Variants in SCP2 observed in about 807,000 individuals in gnomAD.
SCP2 encodes the protein SCP-2/3-oxoacyl-CoA thiolase.
SCP2 carries 48 observed loss-of-function variants against 71.4 expected under a neutral mutation model. The ratio of observed to expected loss-of-function variants is 0.67; its 90% CI spans 0.53 to 0.86. SCP2 has a LOEUF of 0.86. Among genes scored for constraint, SCP2 ranks in the 40% least tolerant of loss-of-function variants. The pLI, the probability that SCP2 is intolerant of heterozygous loss-of-function variation, is 0.00. For synonymous variants in SCP2, 220 were observed against 218.1 expected (o/e 1.01, Z -0.08); for missense variants, 560 against 655.6 (o/e 0.85, Z 1.59).
At chr1:52,934,594 T>A (rs1653505028) in intron 1 of SCP2, among the ~76,000 whole-genome samples, 1 of 55,682 alleles carries the variant, frequency 1.8e-5, no homozygotes, top group Non-Finnish European at 3.2e-5. Flanking sequence ...CCAGCTAACT[T>A]TTTTTTTTTT....
At chr1:52,973,996 G>A (rs1364097048) in intron 6 of SCP2, among the ~76,000 whole-genome samples, 1 of 152,164 alleles carries the variant, frequency 6.6e-6, no homozygotes, top group Non-Finnish European at 1.5e-5. Context: ...TTATATGTAT[G>A]TCATTTTTGC....
chr1:52,931,892 G>A (rs942460266), intron 1 of SCP2, among the ~76,000 whole-genome samples: 1 of 151,812 alleles, frequency 6.6e-6, no homozygotes. Flanking sequence ...ACAACCTCAG[G>A]GAGATAAGTG....
chr1:52,955,505 G>A (rs1052020696), intron 5 of SCP2, among the ~76,000 whole-genome samples: 20 of 152,174 alleles, frequency 1.3e-4, no homozygotes, highest in Middle Eastern at 3.4e-3. Flanking sequence ...ATGGCATCCA[G>A]TAAAACAGGG....
intron 11 of SCP2, among the ~76,000 whole-genome samples, chr1:53,013,934 C>G: frequency 8.7e-6 from 1 of 114,916 alleles, no homozygotes; most frequent in Non-Finnish European, 1.7e-5. Context: ...CTTGCTCTGT[C>G]GCCCAGGCTG....
At chr1:52,936,761 A>C (rs1470385078) in intron 1 of SCP2, among the ~76,000 whole-genome samples, 1 of 152,218 alleles carries the variant, frequency 6.6e-6, no homozygotes, top group Non-Finnish European at 1.5e-5. Flanking sequence ...AAATATTCCA[A>C]GAGAGTAATT....
At chr1:53,021,136 A>G (rs182615755) in intron 12 of SCP2, among the ~76,000 whole-genome samples, 6 of 151,910 alleles carry the variant, frequency 3.9e-5, no homozygotes, top group Non-Finnish European at 1.5e-5. Context: ...CCTCCTGAGT[A>G]GTTTGGACCA....
chr1:53,010,126 C>A (rs1205084235), intron 11 of SCP2, among the ~76,000 whole-genome samples: 6 of 152,262 alleles, frequency 3.9e-5, no homozygotes, highest in Non-Finnish European at 5.9e-5. Context: ...AGTCAGGAAA[C>A]AACAGGTGCT....
chr1:52,937,725 C>T (rs948726650), intron 1 of SCP2, among the ~76,000 whole-genome samples: 1 of 152,174 alleles, frequency 6.6e-6, no homozygotes, highest in Non-Finnish European at 1.5e-5. Context: ...TGAAATAGAA[C>T]AGGAAATACT....
At chr1:52,967,677 G>C (rs1473723716) in intron 6 of SCP2, among the ~76,000 whole-genome samples, 1 of 152,096 alleles carries the variant, frequency 6.6e-6, no homozygotes, top group Non-Finnish European at 1.5e-5. Flanking sequence ...TTGAAAGAAG[G>C]GGTCAGGGGG....
intron 11 of SCP2, among the ~76,000 whole-genome samples, chr1:53,010,940 T>A (rs904458108): frequency 5.3e-5 from 8 of 152,180 alleles, no homozygotes; most frequent in Non-Finnish European, 2.9e-5. Flanking sequence ...TTTTTCAGAC[T>A]CAGCCCGCCT....
At chr1:53,008,848 T>C (rs1382075654) in intron 11 of SCP2, among the ~76,000 whole-genome samples, 1 of 152,220 alleles carries the variant, frequency 6.6e-6, no homozygotes, top group Non-Finnish European at 1.5e-5. Flanking sequence ...TTGTCTCTGT[T>C]TGCAGATGAC....
intron 12 of SCP2, among the ~76,000 whole-genome samples, chr1:53,021,701 G>T (rs1661756342): frequency 6.8e-6 from 1 of 148,058 alleles, no homozygotes; most frequent in Admixed American, 6.8e-5. Flanking sequence ...CTGGAGTGCA[G>T]CAGTATGATC....
intron 9 of SCP2, among the ~76,000 whole-genome samples, chr1:52,978,637 A>G (rs1658197996): frequency 6.6e-6 from 1 of 152,170 alleles, no homozygotes; most frequent in Non-Finnish European, 1.5e-5. Context: ...ATCTCAGCTT[A>G]CTATAGCTTC....
chr1:53,034,096 T>C (rs1662748073), intron 13 of SCP2, among the ~76,000 whole-genome samples: 1 of 152,096 alleles, frequency 6.6e-6, no homozygotes, highest in African/African-American at 2.4e-5. Flanking sequence ...AAACCCCATC[T>C]CTACTAAAAA....
chr1:52,981,831 T>A (rs1572134451), intron 10 of SCP2, among the ~76,000 whole-genome samples: 1 of 151,296 alleles, frequency 6.6e-6, no homozygotes, highest in African/African-American at 2.4e-5. Context: ...TTAAAAGTAT[T>A]GTGTGGGCAT....
chr1:52,942,870 T>G (rs1277477821), intron 2 of SCP2, among the ~76,000 whole-genome samples: 1 of 151,830 alleles, frequency 6.6e-6, no homozygotes, highest in Non-Finnish European at 1.5e-5. Flanking sequence ...AGGCTAATTT[T>G]TTTGTATTTT....
rs1283700255 is a variant in SCP2, at chr1:52,987,005, TA to T, written c.974-1023del. ...TCTTCTGTATATATATATATATATA[TA>T]TTTTTTTTTTTTTTTTTTTGAGACA... On this transcript the variant is annotated intron_variant, in intron 10 of 15. Coordinates refer to ENST00000371514, the MANE Select transcript of SCP2 (RefSeq NM_002979.5). 7.5e-3 allele frequency among the ~76,000 whole-genome samples: 632 copies of T among 83,994 alleles called. 3 individuals are homozygous for T. Among genetic ancestry groups the T allele is most frequent in the African/African-American group, 0.043 (578 of 13,470 alleles). The allele number at this position is 83,994 out of a possible 152,430, so 55.1% of individuals were successfully genotyped here.
chr1:52,953,357 T>C (rs550187760), intron 4 of SCP2, among the ~76,000 whole-genome samples: 1 of 152,228 alleles, frequency 6.6e-6, no homozygotes, highest in African/African-American at 2.4e-5. Flanking sequence ...TTTCTTTTTT[T>C]AGAAACAGGG....
intron 14 of SCP2, among the ~76,000 whole-genome samples, chr1:53,043,727 T>C (rs1272355672): frequency 6.6e-6 from 1 of 152,220 alleles, no homozygotes; most frequent in Non-Finnish European, 1.5e-5. Flanking sequence ...TTTTACTTCC[T>C]GAAGCCCCCT....
Sources: gnomAD v4.1 joint callset for allele counts (sites outside exome capture counted in the v4.1 genomes callset) on GRCh38, gnomAD v4.1.1 for gene constraint, MANE v1.5 for transcripts, NCBI Gene and HGNC (gene_info 2026-07-23, HGNC 2026-07-21) for gene names.